Variants in TMBIM1 observed in about 807,000 individuals in gnomAD.
The protein encoded by TMBIM1 is transmembrane BAX inhibitor motif containing 1.
TMBIM1 carries 34 observed loss-of-function variants against 45.1 expected under a neutral mutation model. That is an observed-to-expected ratio of 0.75 (90% CI 0.57 to 1.00). TMBIM1 has a LOEUF of 1.00. Ranked by LOEUF, TMBIM1 falls within the 50% of genes least tolerant of loss-of-function variation. The probability of loss-of-function intolerance (pLI) is 0.00; values close to 1 mark genes in which losing one functional copy is unlikely to be tolerated. For missense variants in TMBIM1, 374 were observed against 402.4 expected (o/e 0.93, Z 0.60); for synonymous variants, 157 against 153.5 (o/e 1.02, Z -0.17).
At chr2:218,284,965 C>G (rs1383870354) in intron 1 of TMBIM1, among the ~76,000 whole-genome samples, 1 of 152,154 alleles carries the variant, frequency 6.6e-6, no homozygotes, top group African/African-American at 2.4e-5. Flanking sequence ...CAGCAGGCGC[C>G]TAGAATCCCA....
rs1230316706 is a variant in TMBIM1 at position 218,279,279 on chromosome 2, A to G, written c.368+10T>C. ...GCAGTAGGAGTGGGTGGCAAAGCCT[A>G]GAGACTTACACAAAGGTGAAGATAG... On this transcript the variant is annotated intron_variant, in intron 4 of 11. Coordinates refer to ENST00000258412, the MANE Select transcript of TMBIM1 (RefSeq NM_022152.6). 6.4e-7 allele frequency: 1 copy of G among 1,573,562 alleles called. No individual in the cohort carries two copies. The highest frequency in any genetic ancestry group is 8.6e-7 in the Non-Finnish European group (1 of 1,159,574).
intron 6 of TMBIM1, 33 bp downstream of exon 6, chr2:218,278,482 C>G (rs1267764604): frequency 3.1e-6 from 5 of 1,608,670 alleles, no homozygotes; most frequent in Admixed American, 1.7e-5. Flanking sequence ...ATCCCTGTCA[C>G]CCCTCTCACT....
At chr2:218,292,434 C>G (rs1692998236) in intron 1 of TMBIM1, 32 bp downstream of exon 1, 1 of 152,346 alleles carries the variant, frequency 6.6e-6, no homozygotes, top group South Asian at 2.1e-4. Flanking sequence ...CCCACAGTCC[C>G]CAACGGCGCC....
intron 1 of TMBIM1, among the ~76,000 whole-genome samples, chr2:218,287,046 C>T (rs886729461): frequency 1.3e-5 from 2 of 152,166 alleles, no homozygotes; most frequent in African/African-American, 4.8e-5. Flanking sequence ...AAAAGATACA[C>T]CCAGGAGTGT....
rs1244295861 is a variant in TMBIM1, at chr2:218,275,126, C to T, written c.*349G>A. On this transcript the variant is annotated 3_prime_UTR_variant, in exon 12 of 12. Coordinates refer to ENST00000258412, the MANE Select transcript of TMBIM1 (RefSeq NM_022152.6). ...CTCGTGACCTTGAAGTCACTTCTAC[C>T]TTTCATATTCCCTTCTAGCTATCGA... 1 of 178,072 alleles carries T rather than the reference C, an allele frequency of 5.6e-6. No individual in the cohort carries two copies. The highest frequency in any genetic ancestry group is 1.2e-5 in the Non-Finnish European group (1 of 85,366). 11.0% of individuals were successfully genotyped at this position (178,072 alleles called of 1,614,324 possible).
At chr2:218,280,821 T>C (rs1677809090) in intron 2 of TMBIM1, 1 of 149,268 alleles carries the variant, frequency 6.7e-6, no homozygotes, top group Admixed American at 6.7e-5. Context: ...TTTTTTTTTT[T>C]TTTTTTTGAG....
intron 8 of TMBIM1, 34 bp from the exon 9 acceptor site, chr2:218,277,487 T>G (rs753163287): frequency 1.2e-6 from 2 of 1,611,704 alleles, no homozygotes; most frequent in African/African-American, 2.7e-5. Context: ...ACAAGAGGCA[T>G]TAAGCCACGT....
At chr2:218,289,970 G>A (rs2106239555) in intron 1 of TMBIM1, 1 of 152,292 alleles carries the variant, frequency 6.6e-6, no homozygotes, top group East Asian at 1.9e-4. Context: ...ACTGACCTGG[G>A]TTCATGAACT....
chr2:218,279,159 A>T, intron 4 of TMBIM1, 68 bp from the exon 5 acceptor site: 1 of 1,595,980 alleles, frequency 6.3e-7, no homozygotes, highest in Non-Finnish European at 8.6e-7. Flanking sequence ...CCAGCCAGGC[A>T]GCCCTGGCTT....
intron 5 of TMBIM1, 109 bp downstream of exon 5, chr2:218,278,929 G>A: frequency 1.5e-6 from 2 of 1,304,368 alleles, no homozygotes; most frequent in Non-Finnish European, 1.1e-6. Context: ...ACCAACTTGG[G>A]GGCCCTCTCA....
chr2:218,292,241 A>G (rs1017011035), intron 1 of TMBIM1, among the ~76,000 whole-genome samples: 1 of 152,204 alleles, frequency 6.6e-6, no homozygotes, highest in Non-Finnish European at 1.5e-5. Flanking sequence ...AAGGCTAACC[A>G]GGTGCCACAG....
At chr2:218,288,743 C>G (rs1032317446) in intron 1 of TMBIM1, among the ~76,000 whole-genome samples, 6 of 151,920 alleles carry the variant, frequency 3.9e-5, no homozygotes, top group African/African-American at 1.5e-4. Flanking sequence ...CCATGGCTAT[C>G]GTGACTATAT....
At chr2:218,285,584 A>G (rs7559525) in intron 1 of TMBIM1, among the ~76,000 whole-genome samples, 53,519 of 152,172 alleles carry the variant, frequency 0.35, 9,856 homozygotes, top group Middle Eastern at 0.5. Flanking sequence ...ACCCAAGGAC[A>G]GCCAACCCCT....
At chr2:218,282,248 A>G in intron 1 of TMBIM1, 67 bp from the exon 2 acceptor site, 1 of 934,330 alleles carries the variant, frequency 1.1e-6, no homozygotes, top group Non-Finnish European at 1.5e-6. Flanking sequence ...TCATGGGCCC[A>G]CTTCCAGCCT....
At chr2:218,277,244 TTTG>T in intron 9 of TMBIM1, 119 bp downstream of exon 9, 1 of 1,162,244 alleles carries the variant, frequency 8.6e-7, no homozygotes, top group Non-Finnish European at 1.3e-6. Flanking sequence ...AGGACACAGT[TTTG>T]TAGGTGCGGA....
chr2:218,275,253 C>T lies in TMBIM1; in HGVS notation c.*222G>A. 1 of 488,308 alleles carries T rather than the reference C, an allele frequency of 2.0e-6. No individual in the cohort carries two copies. The highest frequency in any genetic ancestry group is 4.1e-5 in the South Asian group (1 of 24,246). The allele number at this position is 488,308 out of a possible 1,614,324, so 30.2% of individuals were successfully genotyped here. On this transcript the variant is annotated 3_prime_UTR_variant, in exon 12 of 12. Coordinates refer to ENST00000258412, the MANE Select transcript of TMBIM1 (RefSeq NM_022152.6). ...GACACATCTTCAGCCTAGTCCCTGC[C>T]AAGCCCACCAAGAGCAACAGTTAGT...
At chr2:218,279,145 C>T in intron 4 of TMBIM1, 54 bp from the exon 5 acceptor site, 2 of 1,609,322 alleles carry the variant, frequency 1.2e-6, no homozygotes, top group South Asian at 2.2e-5. Flanking sequence ...CTGCCCCACC[C>T]AGGCCAGCCA....
intron 9 of TMBIM1, 45 bp downstream of exon 9, chr2:218,277,321 G>T: frequency 1.3e-6 from 2 of 1,578,792 alleles, no homozygotes; most frequent in Non-Finnish European, 1.7e-6. Context: ...GGCCTGATAA[G>T]AAAGGGGAGT....
chr2:218,276,124 A>ACCACAGGC (rs751664002), intron 10 of TMBIM1, 45 bp from the exon 11 acceptor site: 5 of 1,599,040 alleles, frequency 3.1e-6, no homozygotes, highest in South Asian at 2.3e-5. Context: ...ACCTCAGCAA[A>ACCACAGGC]CCACAGGCCC....
Sources: allele counts gnomAD v4.1 joint callset (sites outside exome capture counted in the v4.1 genomes callset), GRCh38; gene constraint gnomAD v4.1.1; transcripts MANE v1.5; gene names NCBI Gene and HGNC (gene_info 2026-07-23, HGNC 2026-07-21).